FBXW10: variants seen among roughly 807,000 people sequenced by gnomAD.
The protein encoded by FBXW10 is F-box and WD repeat domain containing 10, also known as F-box/WD repeat-containing protein 10.
In FBXW10, 68 loss-of-function variants were observed where a neutral mutation model predicts 113.1. That is an observed-to-expected ratio of 0.60 (90% CI 0.49 to 0.74). FBXW10 has a LOEUF of 0.74. Ranked by LOEUF, FBXW10 falls within the 30% of genes least tolerant of loss-of-function variation. The probability of loss-of-function intolerance (pLI) is 0.00; values close to 1 mark genes in which losing one functional copy is unlikely to be tolerated. For synonymous variants in FBXW10, 289 were observed against 481.6 expected (o/e 0.60, Z 5.24); for missense variants, 753 against 1,284.5 (o/e 0.59, Z 6.32).
chr17:18,748,020 T>C lies in FBXW10; in HGVS notation c.585T>C (p.Tyr195=), dbSNP rs747526788. ...CCAAGTCTGCGACCTCACAAGTCTA[T>C]TGGACAGCCAAAACTCAGCACACAT... ...HSSKSATSQV[Y]WTAKTQHTSL... is the part of the protein sequence containing the mutation. Residue 195 remains tyrosine (Y), a synonymous_variant, in exon 2 of 14, where the codon TAT becomes TAC. Coordinates refer to ENST00000395665, the MANE Select transcript of FBXW10 (RefSeq NM_001267585.2). The C allele has an allele frequency of 1.2e-5, 19 of 1,613,734 alleles. No homozygotes were observed. The highest frequency in any genetic ancestry group is 2.2e-5 in the South Asian group (2 of 91,072).
intron 12 of FBXW10, among the ~76,000 whole-genome samples, 163 bp from the exon 13 acceptor site, chr17:18,774,973 T>C (rs931104592): frequency 2.0e-5 from 3 of 152,222 alleles, no homozygotes; most frequent in African/African-American, 7.2e-5. Flanking sequence ...AAATATCACA[T>C]GTACTCCATA....
chr17:18,757,460 C>G (rs972340835), intron 6 of FBXW10, among the ~76,000 whole-genome samples: 1 of 152,204 alleles, frequency 6.6e-6, no homozygotes, highest in Non-Finnish European at 1.5e-5. Context: ...CAATCCCTCT[C>G]TAGTCTGCAG....
intron 7 of FBXW10, among the ~76,000 whole-genome samples, chr17:18,761,023 G>A (rs892505628): frequency 1.3e-5 from 2 of 152,056 alleles, no homozygotes; most frequent in African/African-American, 4.8e-5. Context: ...AAAGTGAGCA[G>A]TTTCTCCCCC....
intron 13 of FBXW10, among the ~76,000 whole-genome samples, chr17:18,776,321 T>A (rs1597607208): frequency 6.6e-6 from 1 of 151,904 alleles, no homozygotes; most frequent in East Asian, 1.9e-4. Flanking sequence ...AAGATTCCGT[T>A]TAAAAAAAAA....
At chr17:18,770,283 A>G (rs2035587170) in intron 11 of FBXW10, among the ~76,000 whole-genome samples, 198 bp downstream of exon 11, 1 of 149,738 alleles carries the variant, frequency 6.7e-6, no homozygotes, top group African/African-American at 2.5e-5. Context: ...AGTAATCAGG[A>G]AGCAATCAAC....
At chr17:18,764,200 C>CTTTT (rs140032131) in intron 7 of FBXW10, among the ~76,000 whole-genome samples, 76 of 116,540 alleles carry the variant, frequency 6.5e-4, no homozygotes, top group African/African-American at 1.8e-3. Context: ...TGTAAATACT[C>CTTTT]TTTTTTTTTT....
chr17:18,772,608 A>T lies in FBXW10; in HGVS notation c.2203A>T (p.Thr735Ser). 6.2e-7 allele frequency: 1 copy of T among 1,614,072 alleles called. No individual in the cohort carries two copies. Reference protein sequence around the residue: ...SPRESVSSKQTVIQELLPGKP... With the variant: ...SPRESVSSKQSVIQELLPGKP... ...AAGAGAGTCTGTATCCAGTAAACAA[A>T]CTGTGATCCAAGAGCTCCTACCAGG... Residue 735 changes from threonine to serine, a missense_variant, in exon 12 of 14, where the codon ACT (threonine) becomes TCT (serine). Thr to Ser is a moderately conservative substitution (Grantham distance 58). Coordinates refer to ENST00000395665, the MANE Select transcript of FBXW10 (RefSeq NM_001267585.2).
At position 18,773,229 on chromosome 17, in the gene FBXW10, G is replaced by A. The variant is rs554625201; in HGVS notation, c.2278+546G>A. ...ATTACAGGTGTGGGCCACCGTGCCCGGCCTGCAAGAGCTAGATTTTCAAAC... is the reference window on the plus strand; with the variant it reads ...ATTACAGGTGTGGGCCACCGTGCCCAGCCTGCAAGAGCTAGATTTTCAAAC... On this transcript the variant is annotated intron_variant, in intron 12 of 13. Coordinates refer to ENST00000395665, the MANE Select transcript of FBXW10 (RefSeq NM_001267585.2). 1.5e-4 allele frequency among the ~76,000 whole-genome samples: 23 copies of A among 152,200 alleles called. No individual in the cohort carries two copies. In the South Asian group the frequency reaches 4.4e-3, roughly 29 times the overall value.
At chr17:18,778,121 C>G (rs187476268) in intron 13 of FBXW10, among the ~76,000 whole-genome samples, 10 of 151,824 alleles carry the variant, frequency 6.6e-5, no homozygotes, top group African/African-American at 2.4e-4. Flanking sequence ...GGCATGGTGG[C>G]GGACGCCTGT....
chr17:18,766,020 C>T (rs1243421445), intron 8 of FBXW10, among the ~76,000 whole-genome samples: 2 of 152,028 alleles, frequency 1.3e-5, no homozygotes, highest in African/African-American at 4.8e-5. Flanking sequence ...AGCCACTGGG[C>T]CCGGCATTAA....
chr17:18,770,232 T>C, intron 11 of FBXW10, 147 bp downstream of exon 11: 2 of 1,264,034 alleles, frequency 1.6e-6, no homozygotes, highest in Non-Finnish European at 2.2e-6. Flanking sequence ...GGTGGAGCAA[T>C]AGTCTTGTGG....
intron 1 of FBXW10, 158 bp downstream of exon 1, chr17:18,744,907 C>T (rs1251136466): frequency 1.0e-5 from 15 of 1,461,828 alleles, no homozygotes; most frequent in African/African-American, 7.1e-5. Context: ...TCCTGACACC[C>T]GATCCTGTTT....
At chr17:18,776,354 C>T (rs2035699168) in intron 13 of FBXW10, among the ~76,000 whole-genome samples, 1 of 152,088 alleles carries the variant, frequency 6.6e-6, no homozygotes, top group Non-Finnish European at 1.5e-5. Flanking sequence ...CATCATGACT[C>T]ATGACTGGGA....
intron 5 of FBXW10, among the ~76,000 whole-genome samples, chr17:18,754,099 A>T (rs1310706241): frequency 6.6e-6 from 1 of 151,816 alleles, no homozygotes; most frequent in African/African-American, 2.4e-5. Flanking sequence ...TAGATCGAGG[A>T]GGTGTTGTTG....
Position 18,772,394 on chromosome 17 carries a change from C to T in FBXW10, c.2007-18C>T, listed in dbSNP as rs767330910. On this transcript the variant is annotated intron_variant, in intron 11 of 13. Coordinates refer to ENST00000395665, the MANE Select transcript of FBXW10 (RefSeq NM_001267585.2). ...CTCCACAGTCCTTTTGTGGACAACCCTGTTGTTTCGGTTCCAGGATGGTGG... is the reference window on the plus strand; with the variant it reads ...CTCCACAGTCCTTTTGTGGACAACCTTGTTGTTTCGGTTCCAGGATGGTGG... The T allele has an allele frequency of 1.2e-6, 2 of 1,609,042 alleles. No homozygotes were observed. The highest frequency in any genetic ancestry group is 1.7e-5 in the Admixed American group (1 of 59,624).
chr17:18,744,808 A>G (rs1420963879), intron 1 of FBXW10, 59 bp downstream of exon 1: 1 of 1,578,426 alleles, frequency 6.3e-7, no homozygotes, highest in Non-Finnish European at 8.6e-7. Context: ...GCAAGGCTTC[A>G]GAAATCTGTA....
At chr17:18,764,199 TC>T (rs1293149828) in intron 7 of FBXW10, among the ~76,000 whole-genome samples, 5 of 130,340 alleles carry the variant, frequency 3.8e-5, no homozygotes, top group East Asian at 4.0e-4. Flanking sequence ...ATGTAAATAC[TC>T]TTTTTTTTTT....
rs780231488 is a variant in FBXW10, at chr17:18,775,205, T to C, written c.2335+13T>C. 3 of 1,584,146 alleles carry C rather than the reference T, an allele frequency of 1.9e-6. No individual in the cohort carries two copies. The Admixed American group carries it at 5.0e-5, about 26-fold the overall frequency. On this transcript the variant is annotated intron_variant, in intron 13 of 13. Transcript: ENST00000395665. ...CCCCGAAGAGATGGTAAGAAGAGAGTTTATTCTGTTCATAAGGGAACAAGT... is the reference window on the plus strand; with the variant it reads ...CCCCGAAGAGATGGTAAGAAGAGAGCTTATTCTGTTCATAAGGGAACAAGT...
chr17:18,764,659 A>T (rs1258431701), intron 7 of FBXW10, 83 bp from the exon 8 acceptor site: 1 of 1,589,396 alleles, frequency 6.3e-7, no homozygotes, highest in Non-Finnish European at 8.6e-7. Flanking sequence ...CTCCCAACTA[A>T]CTACTTATCT....
Sources: gnomAD v4.1 joint callset for allele counts (sites outside exome capture counted in the v4.1 genomes callset) on GRCh38, gnomAD v4.1.1 for gene constraint, MANE v1.5 for transcripts, NCBI Gene and HGNC (gene_info 2026-07-23, HGNC 2026-07-21) for gene names.